The following WASF3 variants were observed in gnomAD, a reference collection of about 807,000 sequenced individuals.
The protein encoded by WASF3 is WASP family member 3.
WASF3 carries 11 observed loss-of-function variants against 46.6 expected under a neutral mutation model. The ratio of observed to expected loss-of-function variants is 0.24; its 90% CI spans 0.15 to 0.39. The LOEUF (loss-of-function observed/expected upper bound fraction) is 0.39. Among genes scored for constraint, WASF3 ranks in the 10% least tolerant of loss-of-function variants. The pLI is 1.00. For synonymous variants in WASF3, 242 were observed against 259.7 expected (o/e 0.93, Z 0.65); for missense variants, 576 against 669.8 (o/e 0.86, Z 1.55).
intron 3 of WASF3, among the ~76,000 whole-genome samples, chr13:26,661,271 T>G (rs1161769217): frequency 6.6e-6 from 1 of 152,186 alleles, no homozygotes; most frequent in South Asian, 2.1e-4. Flanking sequence ...GTTACAGAAC[T>G]CCCCATTTCC....
At chr13:26,658,823 G>T (rs554164444) in intron 3 of WASF3, among the ~76,000 whole-genome samples, 1 of 152,280 alleles carries the variant, frequency 6.6e-6, no homozygotes, top group South Asian at 2.1e-4. Flanking sequence ...AGCACAGAGG[G>T]GGTCAAATGC....
intron 2 of WASF3, among the ~76,000 whole-genome samples, chr13:26,632,767 C>G (rs1261062802): frequency 6.6e-6 from 1 of 152,108 alleles, no homozygotes; most frequent in Non-Finnish European, 1.5e-5. Context: ...CTCTTTGTAC[C>G]TCTGGTAGAA....
At chr13:26,638,224 T>C (rs1881889517) in intron 2 of WASF3, 1 of 152,220 alleles carries the variant, frequency 6.6e-6, no homozygotes, top group Non-Finnish European at 1.5e-5. Flanking sequence ...GTGGGAGTTA[T>C]CCATTTCCAT....
chr13:26,660,194 GTTTTTTTTTTTTTTTTTTTTTTTTTTT>G, intron 3 of WASF3, among the ~76,000 whole-genome samples: 1 of 43,376 alleles, frequency 2.3e-5, no homozygotes, highest in African/African-American at 7.4e-5. Context: ...TTTTTGTTTG[GTTTTTTTTTTTTTTTTTTTTTTTTTTT>G]TTTTTTTTAG....
chr13:26,686,107 C>G lies in WASF3; in HGVS notation c.*262C>G, dbSNP rs903118679. ...TGTCCTGAAAACAGCATCTGCTTTC[C>G]TCTTGGCCATGAGAGTATTTAGTGC... On this transcript the variant is annotated 3_prime_UTR_variant, in exon 10 of 10. Transcript: ENST00000335327. The G allele has an allele frequency of 2.9e-4, 125 of 435,114 alleles. No individual in the cohort carries two copies. The highest frequency in any genetic ancestry group is 1.8e-4 in the Admixed American group (5 of 27,722). The allele number at this position is 435,114 out of a possible 1,614,324, so 27.0% of individuals were successfully genotyped here. A position where few individuals can be genotyped will look rare whatever the true frequency, so the allele number is the denominator to read the frequency against.
At chr13:26,653,476 T>G (rs1461785095) in intron 3 of WASF3, among the ~76,000 whole-genome samples, 2 of 152,228 alleles carry the variant, frequency 1.3e-5, no homozygotes, top group East Asian at 3.8e-4. Context: ...GAAACTGTGC[T>G]TATTGGCATG....
intron 1 of WASF3, among the ~76,000 whole-genome samples, chr13:26,581,409 T>C (rs1205838605): frequency 6.6e-6 from 1 of 152,064 alleles, no homozygotes; most frequent in Non-Finnish European, 1.5e-5. Context: ...ATTTCTGAAG[T>C]AGTAATCTGA....
intron 1 of WASF3, among the ~76,000 whole-genome samples, chr13:26,588,877 A>G (rs539806028): frequency 1.3e-5 from 2 of 152,180 alleles, no homozygotes; most frequent in Non-Finnish European, 2.9e-5. Context: ...GGCTCACTGC[A>G]GCCTTGACCT....
intron 1 of WASF3, among the ~76,000 whole-genome samples, chr13:26,610,030 T>G (rs2137219149): frequency 6.6e-6 from 1 of 152,334 alleles, no homozygotes; most frequent in South Asian, 2.1e-4. Context: ...TCCATGTGGC[T>G]GGAGGCTGCC....
At chr13:26,683,049 CCTT>C (rs1883290995) in intron 9 of WASF3, 75 bp downstream of exon 9, 8 of 1,528,766 alleles carry the variant, frequency 5.2e-6, no homozygotes, top group Admixed American at 2.1e-5. Context: ...GCTACAGCCT[CCTT>C]GTCTTCAAAT....
chr13:26,605,882 G>A (rs987082301), intron 1 of WASF3, among the ~76,000 whole-genome samples: 1 of 152,160 alleles, frequency 6.6e-6, no homozygotes, highest in Non-Finnish European at 1.5e-5. Context: ...AACTCAATTT[G>A]AACTTAAATC....
At chr13:26,597,327 G>GCTT (rs1880498890) in intron 1 of WASF3, among the ~76,000 whole-genome samples, 1 of 152,164 alleles carries the variant, frequency 6.6e-6, no homozygotes, top group African/African-American at 2.4e-5. Flanking sequence ...TAGAGATGGG[G>GCTT]CTTCGCCATG....
chr13:26,681,692 G>A (rs1312131751), intron 8 of WASF3, among the ~76,000 whole-genome samples: 3 of 152,152 alleles, frequency 2.0e-5, no homozygotes, highest in African/African-American at 4.8e-5. Context: ...TATCACAGAC[G>A]AGAAGACCAC....
intron 1 of WASF3, among the ~76,000 whole-genome samples, chr13:26,569,809 ATAAAT>A (rs1331642714): frequency 3.3e-5 from 5 of 152,132 alleles, no homozygotes; most frequent in Admixed American, 2.6e-4. Context: ...GGTGAGATTA[ATAAAT>A]TAAAATAAAA....
At chr13:26,599,845 G>A (rs9319309) in intron 1 of WASF3, among the ~76,000 whole-genome samples, 2,082 of 152,262 alleles carry the variant, frequency 0.014, 55 homozygotes, top group African/African-American at 0.047. Flanking sequence ...TTATAGAATG[G>A]AGGTTACAGT....
chr13:26,634,567 G>T (rs1370332147), intron 2 of WASF3, among the ~76,000 whole-genome samples: 1 of 152,194 alleles, frequency 6.6e-6, no homozygotes, highest in Non-Finnish European at 1.5e-5. Context: ...AATTGATCCA[G>T]TTTATTCATA....
intron 2 of WASF3, among the ~76,000 whole-genome samples, chr13:26,618,609 A>G (rs1003002996): frequency 3.3e-5 from 5 of 151,830 alleles, no homozygotes; most frequent in Admixed American, 6.6e-5. Flanking sequence ...AGGACACTCC[A>G]TATATATATT....
the WASF3 span, among the ~76,000 whole-genome samples, chr13:26,545,528 T>A: frequency 6.6e-6 from 1 of 152,144 alleles, no homozygotes; most frequent in Non-Finnish European, 1.5e-5. Context: ...ATGGTTTAAT[T>A]TTTTACTTTT....
At chr13:26,560,868 C>G (rs1434804289) in intron 1 of WASF3, among the ~76,000 whole-genome samples, 1 of 152,152 alleles carries the variant, frequency 6.6e-6, no homozygotes, top group African/African-American at 2.4e-5. Flanking sequence ...GATATGGGAT[C>G]TGAAAGGGGC....
Sources: gnomAD v4.1 joint callset for allele counts (sites outside exome capture counted in the v4.1 genomes callset) on GRCh38, gnomAD v4.1.1 for gene constraint, MANE v1.5 for transcripts, NCBI Gene and HGNC (gene_info 2026-07-23, HGNC 2026-07-21) for gene names.